The following GNA14 variants were observed in gnomAD, a reference collection of about 807,000 sequenced individuals.
GNA14 encodes G protein subunit alpha 14, also known as guanine nucleotide-binding protein subunit alpha-14.
GNA14 carries 50 observed loss-of-function variants against 42.0 expected under a neutral mutation model. The ratio of observed to expected loss-of-function variants is 1.19; its 90% CI spans 0.95 to 1.51. GNA14 has a LOEUF of 1.51. Ranked by LOEUF, GNA14 falls within the 40% of genes most tolerant of loss-of-function variation. The pLI is 0.00. For missense variants in GNA14, 473 were observed against 446.2 expected (o/e 1.06, Z -0.54); for synonymous variants, 173 against 163.1 (o/e 1.06, Z -0.46).
At chr9:77,458,906 G>A (rs55804903) in intron 2 of GNA14, among the ~76,000 whole-genome samples, 3 of 113,014 alleles carry the variant, frequency 2.7e-5, no homozygotes, top group Admixed American at 8.5e-5. Flanking sequence ...CAAGCTGGAG[G>A]GGGGGGGGTT....
intron 2 of GNA14, among the ~76,000 whole-genome samples, chr9:77,528,504 G>A (rs1172836094): frequency 3.9e-5 from 6 of 152,186 alleles, no homozygotes; most frequent in African/African-American, 1.4e-4. Flanking sequence ...GTAACTGGTG[G>A]TGAGGGGAAA....
intron 2 of GNA14, among the ~76,000 whole-genome samples, chr9:77,511,829 A>C (rs1837175603): frequency 6.6e-6 from 1 of 152,098 alleles, no homozygotes; most frequent in Non-Finnish European, 1.5e-5. Context: ...AAGCAATCAA[A>C]ATGAACTTGG....
intron 2 of GNA14, among the ~76,000 whole-genome samples, chr9:77,480,014 C>T (rs1836514449): frequency 6.6e-6 from 1 of 152,198 alleles, no homozygotes; most frequent in Admixed American, 6.5e-5. Flanking sequence ...AATTTGACTT[C>T]CTCTTTTCCA....
At chr9:77,492,247 G>A (rs1408232310) in intron 2 of GNA14, among the ~76,000 whole-genome samples, 9 of 151,606 alleles carry the variant, frequency 5.9e-5, no homozygotes, top group Non-Finnish European at 1.3e-4. Flanking sequence ...GCACCTCAAA[G>A]CAACAGAAAA....
chr9:77,452,996 A>G (rs1031570365), intron 2 of GNA14, among the ~76,000 whole-genome samples: 9 of 151,892 alleles, frequency 5.9e-5, no homozygotes, highest in African/African-American at 1.9e-4. Context: ...ACAAGTAACC[A>G]GCCGGGTGGT....
intron 1 of GNA14, among the ~76,000 whole-genome samples, chr9:77,576,039 T>G (rs901983062): frequency 1.3e-5 from 2 of 152,244 alleles, no homozygotes; most frequent in African/African-American, 2.4e-5. Flanking sequence ...GTAACCATGG[T>G]GAGCATTTAT....
chr9:77,458,292 T>C (rs984611054), intron 2 of GNA14, among the ~76,000 whole-genome samples: 1 of 109,668 alleles, frequency 9.1e-6, no homozygotes, highest in African/African-American at 3.3e-5. Context: ...TGCACAGCTT[T>C]GAGGGGGGAA....
chr9:77,621,952 G>T (rs904596529), intron 1 of GNA14, among the ~76,000 whole-genome samples: 1 of 152,014 alleles, frequency 6.6e-6, no homozygotes, highest in Non-Finnish European at 1.5e-5. Context: ...TTAAGACAGG[G>T]TCTCACTCTG....
chr9:77,443,341 C>T (rs1390431960), intron 2 of GNA14, among the ~76,000 whole-genome samples: 1 of 152,084 alleles, frequency 6.6e-6, no homozygotes, highest in Non-Finnish European at 1.5e-5. Context: ...GGATTTCCAG[C>T]TTCTTTTGAT....
intron 1 of GNA14, 109 bp downstream of exon 1, chr9:77,647,561 C>G: frequency 7.9e-7 from 1 of 1,258,368 alleles, no homozygotes; most frequent in African/African-American, 1.5e-5. Context: ...AGGACGAAGC[C>G]GCCCTGCACC....
intron 1 of GNA14, among the ~76,000 whole-genome samples, chr9:77,647,204 GGTGGTGA>G (rs1824370109): frequency 6.6e-6 from 1 of 152,208 alleles, no homozygotes; most frequent in African/African-American, 2.4e-5. Context: ...CGCATCACCA[GGTGGTGA>G]TGCCCTTAAG....
rs1823668478 is a variant in GNA14 at position 77,608,123 on chromosome 9, G to GACAGA, written c.124+39542_124+39546dup. On this transcript the variant is annotated intron_variant, in intron 1 of 6. Transcript: ENST00000341700. ...GGCATGATGCTGCTACCTTAATGGGGACAGAAGGCAGAGTACTGAACCAAA... is the reference window on the plus strand; with the variant it reads ...GGCATGATGCTGCTACCTTAATGGGGACAGAACAGAAGGCAGAGTACTGAACCAAA... Among the ~76,000 whole-genome samples, 3 of 152,170 alleles carry GACAGA rather than the reference G, an allele frequency of 2.0e-5. No individual in the cohort carries two copies. The South Asian group carries it at 6.2e-4, about 32-fold the overall frequency.
At chr9:77,611,755 T>G in intron 1 of GNA14, among the ~76,000 whole-genome samples, 1 of 152,136 alleles carries the variant, frequency 6.6e-6, no homozygotes, top group South Asian at 2.1e-4. Context: ...GTTGGTGGGT[T>G]TGAGTAACTT....
chr9:77,432,586 C>T lies in GNA14; in HGVS notation c.465-1137G>A, dbSNP rs145193063. Among the ~76,000 whole-genome samples, 974 of 152,278 alleles carry T rather than the reference C, an allele frequency of 6.4e-3. 15 individuals are homozygous for T. The highest frequency in any genetic ancestry group is 0.022 in the African/African-American group (905 of 41,558). The stretch of plus-strand genomic sequence containing the variant: ...ACATCTCTAGCTGAGGGGTTGAAAA[C>T]CGCTGGCCCAGATGGAGAAAACGTG... On this transcript the variant is annotated intron_variant, in intron 3 of 6. Transcript: ENST00000341700.
At chr9:77,631,647 A>T (rs993595229) in intron 1 of GNA14, among the ~76,000 whole-genome samples, 2 of 152,150 alleles carry the variant, frequency 1.3e-5, no homozygotes, top group African/African-American at 4.8e-5. Flanking sequence ...AAAAAGTAAA[A>T]TAAAACAAAA....
intron 1 of GNA14, among the ~76,000 whole-genome samples, chr9:77,543,276 G>A (rs74450236): frequency 0.018 from 2,710 of 152,282 alleles, 79 homozygotes; most frequent in African/African-American, 0.062. Flanking sequence ...CAATGGGAAC[G>A]GCATAGGCAG....
In GNA14 at chr9:77,554,245, T is replaced by C. The variant is rs187594894; in HGVS notation, c.125-24992A>G. Among the ~76,000 whole-genome samples, 90 of 152,314 alleles carry C rather than the reference T, an allele frequency of 5.9e-4. 1 individual carries two copies. The highest frequency in any genetic ancestry group is 9.9e-4 in the Non-Finnish European group (67 of 68,020). On this transcript the variant is annotated intron_variant, in intron 1 of 6. Coordinates refer to ENST00000341700, the MANE Select transcript of GNA14 (RefSeq NM_004297.4). ...AGGTGAAGATGATTTGGATTATTTTTAAGCTTGCACACACATATACACACA... is the reference window on the plus strand; with the variant it reads ...AGGTGAAGATGATTTGGATTATTTTCAAGCTTGCACACACATATACACACA...
In GNA14 at chr9:77,648,017, T is replaced by A; in HGVS notation, c.-224A>T. On this transcript the variant is annotated 5_prime_UTR_variant, in exon 1 of 7. Coordinates refer to ENST00000341700, the MANE Select transcript of GNA14 (RefSeq NM_004297.4). ...ATGCCGAGCGCTGGGAACGCTCGAG[T>A]GCACCCCGGATCCGGGCTCAGCCCG... 1.8e-6 allele frequency: 1 copy of A among 550,812 alleles called. No homozygotes were observed. Among genetic ancestry groups the A allele is most frequent in the Admixed American group, 3.6e-5 (1 of 27,852 alleles). 34.1% of individuals were successfully genotyped at this position (550,812 alleles called of 1,614,324 possible).
chr9:77,522,796 A>G (rs1837379432), intron 2 of GNA14, among the ~76,000 whole-genome samples: 1 of 152,148 alleles, frequency 6.6e-6, no homozygotes, highest in Non-Finnish European at 1.5e-5. Flanking sequence ...CAAGACTGAG[A>G]ATCATTGTTT....
Sources: allele counts gnomAD v4.1 joint callset (sites outside exome capture counted in the v4.1 genomes callset), GRCh38; gene constraint gnomAD v4.1.1; transcripts MANE v1.5; gene names NCBI Gene and HGNC (gene_info 2026-07-23, HGNC 2026-07-21).